RPTOR: variants seen among roughly 807,000 people sequenced by gnomAD.
RPTOR encodes regulatory associated protein of MTOR complex 1, also known as regulatory-associated protein of mTOR.
Under a neutral mutation model 169.9 loss-of-function variants are expected in RPTOR, and 21 were observed. The ratio of observed to expected loss-of-function variants is 0.12; its 90% confidence interval spans 0.09 to 0.18. RPTOR has a LOEUF of 0.18. Among genes scored for constraint, RPTOR ranks in the 10% least tolerant of loss-of-function variants. The probability of loss-of-function intolerance (pLI) is 1.00; values close to 1 mark genes in which losing one functional copy is unlikely to be tolerated. For missense variants in RPTOR, 1,133 were observed against 1,855.9 expected, an observed-to-expected ratio of 0.61 and a Z score of 7.16; for synonymous variants, 732 against 753.2, an observed-to-expected ratio of 0.97 and a Z score of 0.46.
intron 4 of RPTOR, among the ~76,000 whole-genome samples, chr17:80,710,456 G>A (rs2066178839): frequency 1.3e-5 from 2 of 152,046 alleles, no homozygotes; most frequent in South Asian, 4.1e-4. Context: ...GTTTGCCCCA[G>A]GCTTTTTGTA....
At chr17:80,588,150 A>G (rs942632284) in intron 1 of RPTOR, among the ~76,000 whole-genome samples, 8 of 138,108 alleles carry the variant, frequency 5.8e-5, no homozygotes, top group Admixed American at 2.2e-4. Flanking sequence ...TGTATATCAC[A>G]TTTTCTTTAT....
intron 21 of RPTOR, among the ~76,000 whole-genome samples, chr17:80,921,203 G>A (rs1245322989): frequency 2.6e-5 from 4 of 152,226 alleles, no homozygotes; most frequent in South Asian, 4.1e-4. Flanking sequence ...CAGGCTCCAC[G>A]CGGATGCGGA....
intron 7 of RPTOR, among the ~76,000 whole-genome samples, chr17:80,812,195 C>G (rs927807309): frequency 6.6e-6 from 1 of 152,224 alleles, no homozygotes; most frequent in Non-Finnish European, 1.5e-5. Flanking sequence ...AAATTGTTCA[C>G]TTTGTCCTTT....
intron 3 of RPTOR, among the ~76,000 whole-genome samples, chr17:80,658,384 A>G (rs982131816): frequency 1.3e-5 from 2 of 152,078 alleles, no homozygotes; most frequent in Non-Finnish European, 2.9e-5. Flanking sequence ...GTAGAATTCT[A>G]TGTCAACTTT....
chr17:80,865,622 C>G (rs2067980141), intron 13 of RPTOR, among the ~76,000 whole-genome samples: 1 of 152,126 alleles, frequency 6.6e-6, no homozygotes, highest in South Asian at 2.1e-4. Context: ...TCCTAAATGT[C>G]TATTCACCTA....
At chr17:80,896,539 CCACGGCCGCGCCGACACCCCA>C (rs1213723466) in intron 20 of RPTOR, among the ~76,000 whole-genome samples, 7 of 136,216 alleles carry the variant, frequency 5.1e-5, no homozygotes, top group Non-Finnish European at 9.7e-5. Flanking sequence ...CCCCGGCACC[CCACGGCCGCGCCGACACCCCA>C]CACAGCCGCG....
chr17:80,744,847 T>C (rs374487800), intron 5 of RPTOR, among the ~76,000 whole-genome samples: 291 of 22,676 alleles, frequency 0.013, 30 homozygotes, highest in South Asian at 0.02. Flanking sequence ...ACTAGCACTG[T>C]CCTGGCTACT....
intron 13 of RPTOR, among the ~76,000 whole-genome samples, chr17:80,871,063 A>G (rs7209159): frequency 0.038 from 5,796 of 152,116 alleles, 333 homozygotes; most frequent in African/African-American, 0.12. Flanking sequence ...TTTCAGGGGT[A>G]CTGGTCAGGG....
At chr17:80,738,384 CG>C (rs2066452635) in intron 5 of RPTOR, among the ~76,000 whole-genome samples, 1 of 152,220 alleles carries the variant, frequency 6.6e-6, no homozygotes, top group Admixed American at 6.5e-5. Context: ...GTGGTTTGCA[CG>C]GGGAGATAAA....
rs189951241 is a variant in RPTOR at position 80,628,972 on chromosome 17, C to T, written c.265+3179C>T. On this transcript the variant is annotated intron_variant, in intron 2 of 33. Coordinates refer to ENST00000306801, the MANE Select transcript of RPTOR (RefSeq NM_020761.3). ...CCATGTGTCTCTCTCTTCTGGGACT[C>T]AGCTGTCTATGTATTCTGCTGTTGG... 2.6e-4 allele frequency among the ~76,000 whole-genome samples: 40 copies of T among 152,110 alleles called. No homozygotes were observed. In the East Asian group the frequency reaches 7.3e-3, roughly 28 times the overall value.
At chr17:80,894,922 C>T (rs974189643) in intron 20 of RPTOR, among the ~76,000 whole-genome samples, 6 of 152,246 alleles carry the variant, frequency 3.9e-5, no homozygotes, top group African/African-American at 1.4e-4. Context: ...CCTTTACCTC[C>T]TATTGGCGCC....
At chr17:80,874,618 G>A (rs1220771791) in intron 13 of RPTOR, among the ~76,000 whole-genome samples, 1 of 152,230 alleles carries the variant, frequency 6.6e-6, no homozygotes, top group African/African-American at 2.4e-5. Flanking sequence ...CTCGGTGGAT[G>A]TTCTGCTGAA....
At chr17:80,800,426 CGTT>C (rs2067145563) in intron 7 of RPTOR, among the ~76,000 whole-genome samples, 1 of 152,176 alleles carries the variant, frequency 6.6e-6, no homozygotes, top group Non-Finnish European at 1.5e-5. Context: ...GGGCAAAACA[CGTT>C]GTTTAGCATC....
intron 21 of RPTOR, among the ~76,000 whole-genome samples, chr17:80,915,735 G>A (rs1218630615): frequency 1.9e-5 from 2 of 104,020 alleles, no homozygotes; most frequent in Admixed American, 1.9e-4. Context: ...CTGAGCAGAC[G>A]TCGGGAAAAC....
At chr17:80,840,505 CAGCTCACACCACG>C (rs2067620920) in intron 10 of RPTOR, among the ~76,000 whole-genome samples, 1 of 133,486 alleles carries the variant, frequency 7.5e-6, no homozygotes, top group African/African-American at 2.8e-5. Context: ...CACCACACGG[CAGCTCACACCACG>C]GCAGCTCACA....
At position 80,796,529 on chromosome 17, in the gene RPTOR, G is replaced by A. The variant is rs114302033; in HGVS notation, c.890+5020G>A. On this transcript the variant is annotated intron_variant, in intron 7 of 33. Transcript: ENST00000306801. The stretch of plus-strand genomic sequence containing the variant: ...ACACTTTTAAGCCATCGGATCTTGT[G>A]AGAACTCACTATCACGAGAACAGCC... Among the ~76,000 whole-genome samples the A allele has an allele frequency of 6.0e-3, 909 of 152,268 alleles. 7 individuals carry two copies. The highest frequency in any genetic ancestry group is 0.021 in the African/African-American group (863 of 41,534).
intron 4 of RPTOR, among the ~76,000 whole-genome samples, chr17:80,712,522 G>A (rs1376149039): frequency 6.6e-6 from 1 of 152,150 alleles, no homozygotes; most frequent in Non-Finnish European, 1.5e-5. Flanking sequence ...CAATTACTGA[G>A]CAATACTCTA....
chr17:80,634,694 C>CGTACTGTGT (rs2065487028), intron 2 of RPTOR, among the ~76,000 whole-genome samples: 2 of 22,262 alleles, frequency 9.0e-5, no homozygotes, highest in East Asian at 1.6e-3. Context: ...GTACTGTGTG[C>CGTACTGTGT]GTGTGCGTAC....
intron 3 of RPTOR, among the ~76,000 whole-genome samples, chr17:80,703,229 G>A (rs1344075875): frequency 2.6e-5 from 4 of 152,308 alleles, no homozygotes; most frequent in South Asian, 4.1e-4. Context: ...AGTTGACAGC[G>A]CTTTTTCCTT....
Sources: gnomAD v4.1 joint callset for allele counts (sites outside exome capture counted in the v4.1 genomes callset) on GRCh38, gnomAD v4.1.1 for gene constraint, MANE v1.5 for transcripts, NCBI Gene and HGNC (gene_info 2026-07-23, HGNC 2026-07-21) for gene names.